The following ARHGAP23 variants were observed in gnomAD, a reference collection of about 807,000 sequenced individuals.
ARHGAP23 encodes Rho GTPase activating protein 23.
Under a neutral mutation model 136.3 loss-of-function variants are expected in ARHGAP23, and 34 were observed. The ratio of observed to expected loss-of-function variants is 0.25; its 90% CI spans 0.19 to 0.33. The LOEUF is 0.33. Among genes scored for constraint, ARHGAP23 ranks in the 10% least tolerant of loss-of-function variants. ARHGAP23 has a pLI of 1.00. For missense variants in ARHGAP23, 1,808 were observed against 2,139.0 expected, an observed-to-expected ratio of 0.85 and a Z score of 3.05; for synonymous variants, 832 against 920.5, an observed-to-expected ratio of 0.90 and a Z score of 1.74.
At chr17:38,428,611 C>A in intron 1 of ARHGAP23, 63 bp downstream of exon 1, 2 of 1,184,156 alleles carry the variant, frequency 1.7e-6, no homozygotes, top group Non-Finnish European at 2.2e-6. Context: ...GGCTGCCAAG[C>A]CAGGGTCGCT....
At chr17:38,453,495 G>A (rs2039237857) in intron 1 of ARHGAP23, among the ~76,000 whole-genome samples, 2 of 151,310 alleles carry the variant, frequency 1.3e-5, no homozygotes, top group South Asian at 4.2e-4. Context: ...AGGTGTGCGG[G>A]CCGGGGGAGA....
Position 38,462,835 on chromosome 17 carries a change from A to T in ARHGAP23, c.254-11A>T. 6.7e-7 allele frequency: 1 copy of T among 1,493,962 alleles called. No homozygotes were observed. Among genetic ancestry groups the T allele is most frequent in the Non-Finnish European group, 8.9e-7 (1 of 1,122,062 alleles). The allele number at this position is 1,493,962 out of a possible 1,614,324, so 92.5% of individuals were successfully genotyped here. On this transcript the variant is annotated splice_polypyrimidine_tract_variant and intron_variant, in intron 3 of 23. Transcript: ENST00000622683. ...CAGCCACCCCCAGCTAACCTGGCTG[A>T]TGCCCACTAGGACCCTCCCCCCGGT...
At chr17:38,421,239 G>A (rs118011759) in intron 1 of ARHGAP23, among the ~76,000 whole-genome samples, 6 of 152,196 alleles carry the variant, frequency 3.9e-5, no homozygotes, top group Non-Finnish European at 7.4e-5. Flanking sequence ...ATCCTGTCTG[G>A]GCTGCTGTGA....
In ARHGAP23 at chr17:38,438,829, C is replaced by T. The variant is rs967682424; in HGVS notation, c.63+10281C>T. Among the ~76,000 whole-genome samples, 5 of 151,758 alleles carry T rather than the reference C, an allele frequency of 3.3e-5. No individual in the cohort carries two copies. The East Asian group carries it at 9.7e-4, about 29-fold the overall frequency. On this transcript the variant is annotated intron_variant, in intron 1 of 23. Coordinates refer to ENST00000622683, the MANE Select transcript of ARHGAP23 (RefSeq NM_001199417.2). ...AGAAACCCCGTCTCTACTAAAAATACAAAATTAGCTGGGAGTGGTGGCACA... is the reference window on the plus strand; with the variant it reads ...AGAAACCCCGTCTCTACTAAAAATATAAAATTAGCTGGGAGTGGTGGCACA...
chr17:38,423,819 C>G (rs1412574515), upstream of ARHGAP23, among the ~76,000 whole-genome samples: 1 of 152,192 alleles, frequency 6.6e-6, no homozygotes, highest in African/African-American at 2.4e-5. Flanking sequence ...TTTAGTCCTG[C>G]CCTGCCATCC....
At chr17:38,489,472 C>T (rs981747393) in intron 17 of ARHGAP23, among the ~76,000 whole-genome samples, 13 of 150,720 alleles carry the variant, frequency 8.6e-5, no homozygotes, top group Non-Finnish European at 1.6e-4. Flanking sequence ...CCATATGGCC[C>T]GCTTCCCCCC....
Position 38,466,782 on chromosome 17 carries a change from C to T in ARHGAP23, c.1099C>T (p.Pro367Ser). The T allele has an allele frequency of 6.5e-7, 1 of 1,549,284 alleles. No homozygotes were observed. Among genetic ancestry groups the T allele is most frequent in the Non-Finnish European group, 8.7e-7 (1 of 1,146,422 alleles). Reference sequence around the variant, plus strand: ...CACCCGTTCTGCCGAGGCACTGGGGCCAGGGGCACTGGTGTCACCCCGCTT... The same window carrying T: ...CACCCGTTCTGCCGAGGCACTGGGGTCAGGGGCACTGGTGTCACCCCGCTT... The part of the protein sequence containing the change: ...RATRSAEALG[P>S]GALVSPRFER... The change falls in exon 7 of 24, where the codon CCA becomes TCA. Residue 367 changes from proline to serine, a missense_variant. By Grantham distance (74) the Pro-to-Ser change is moderately conservative. This residue lies in a region of ARHGAP23 where 859 missense variants were observed against 936.4 expected (regional missense o/e 0.92). Transcript: ENST00000622683.
In ARHGAP23 at chr17:38,463,315, C is replaced by A. The variant is rs2039506036; in HGVS notation, c.429-13C>A. The A allele has an allele frequency of 6.4e-7, 1 of 1,551,586 alleles. No homozygotes were observed. Among genetic ancestry groups the A allele is most frequent in the Admixed American group, 2.0e-5 (1 of 50,984 alleles). Reference sequence around the variant, plus strand: ...TTCCTTGACCCAGCCTGACGTTCTGCCTGTCTCTGTAGTGATGACACTCTG... The same window carrying A: ...TTCCTTGACCCAGCCTGACGTTCTGACTGTCTCTGTAGTGATGACACTCTG... On this transcript the variant is annotated splice_polypyrimidine_tract_variant and intron_variant, in intron 5 of 23. Transcript: ENST00000622683.
At chr17:38,444,198 T>C (rs1053437497) in intron 1 of ARHGAP23, among the ~76,000 whole-genome samples, 6 of 151,978 alleles carry the variant, frequency 3.9e-5, no homozygotes, top group African/African-American at 7.2e-5. Context: ...CTGAGGGGCC[T>C]GGGGAGCGAG....
intron 1 of ARHGAP23, chr17:38,419,520 T>C (rs1458086129): frequency 6.7e-6 from 1 of 148,428 alleles, no homozygotes; most frequent in Non-Finnish European, 1.5e-5. Context: ...GGTTGGGGCA[T>C]TGGAGCTCCG....
chr17:38,510,239 C>T lies in ARHGAP23; in HGVS notation c.3743C>T (p.Ser1248Leu). Residue 1248 changes from serine (S) to leucine (L), a missense_variant, in exon 24 of 24, where the codon TCG becomes TTG. Coordinates refer to ENST00000622683, the MANE Select transcript of ARHGAP23 (RefSeq NM_001199417.2). The surrounding 1 kb of genome is among the most constrained non-coding windows in gnomAD (Gnocchi z 4.6). ...RPAADTRSIV[S>L]GYSTLSTMDR... is the part of the protein sequence containing the mutation. ...GCCGCGGACACGCGCTCCATTGTGT[C>T]GGGCTACTCCACCCTGTCCACCATG... The T allele has an allele frequency of 7.2e-7, 1 of 1,382,052 alleles. No homozygotes were observed. The highest frequency in any genetic ancestry group is 9.4e-7 in the Non-Finnish European group (1 of 1,067,126). The allele number at this position is 1,382,052 out of a possible 1,614,324, so 85.6% of individuals were successfully genotyped here.
chr17:38,479,324 C>T (rs1470667953), intron 12 of ARHGAP23, 112 bp from the exon 13 acceptor site: 1 of 810,760 alleles, frequency 1.2e-6, no homozygotes, highest in Non-Finnish European at 2.1e-6. Flanking sequence ...ACTCCAGGGT[C>T]TGGGCTGTCC....
chr17:38,485,540 C>A (rs1420251950), intron 16 of ARHGAP23, among the ~76,000 whole-genome samples: 1 of 152,138 alleles, frequency 6.6e-6, no homozygotes, highest in Non-Finnish European at 1.5e-5. Context: ...AAAGTCAGGG[C>A]TGGGGTGCAG....
At chr17:38,506,644 G>GA (rs2040639756) in intron 23 of ARHGAP23, among the ~76,000 whole-genome samples, 2 of 152,298 alleles carry the variant, frequency 1.3e-5, no homozygotes, top group South Asian at 4.1e-4. Context: ...AAGGCAGAAA[G>GA]AAAAGAGAGC....
chr17:38,485,957 C>A lies in ARHGAP23; in HGVS notation c.2908-105C>A, dbSNP rs2040150793. On this transcript the variant is annotated intron_variant, in intron 16 of 23. Transcript: ENST00000622683. ...GTAGAGAGCTTGGTCTAAGTAGGTC[C>A]CAGGGAGGGCCTGGTGGGCTTGATT... 8 of 1,072,124 alleles carry A rather than the reference C, an allele frequency of 7.5e-6. No homozygotes were observed. The East Asian group carries it at 1.3e-4, about 17-fold the overall frequency. 66.4% of individuals were successfully genotyped at this position (1,072,124 alleles called of 1,614,324 possible). A position where few individuals can be genotyped will look rare whatever the true frequency, so the allele number is the denominator to read the frequency against.
chr17:38,462,979 T>C, intron 4 of ARHGAP23, 38 bp downstream of exon 4: 1 of 1,543,860 alleles, frequency 6.5e-7, no homozygotes, highest in Non-Finnish European at 8.8e-7. Flanking sequence ...ACTTTCTACC[T>C]TCTGGCTAGG....
chr17:38,509,999 T>C lies in ARHGAP23; in HGVS notation c.3503T>C (p.Phe1168Ser). The change falls in exon 24 of 24, where the codon TTC (phenylalanine) becomes TCC (serine). Residue 1168 changes from phenylalanine (F) to serine (S), a missense_variant. By Grantham distance (155) the Phe-to-Ser change is radical (BLOSUM62 -2). Transcript: ENST00000622683. ...PYAREMLAIS[F>S]ISAVNRKRKK... is the part of the protein sequence containing the mutation. ...GCCCGGGAGATGCTGGCGATCTCCT[T>C]CATCTCGGCCGTCAACCGCAAGCGC... The C allele has an allele frequency of 8.0e-7, 1 of 1,251,706 alleles. No individual in the cohort carries two copies. Among genetic ancestry groups the C allele is most frequent in the Admixed American group, 4.2e-5 (1 of 23,790 alleles). The allele number at this position is 1,251,706 out of a possible 1,614,324, so 77.5% of individuals were successfully genotyped here.
chr17:38,451,546 G>A (rs1334000328), intron 1 of ARHGAP23: 1 of 152,320 alleles, frequency 6.6e-6, no homozygotes, highest in Admixed American at 6.5e-5. Context: ...GATGAGAGGG[G>A]AGAGTCATTC....
chr17:38,492,097 C>G (rs1322693387), intron 20 of ARHGAP23, among the ~76,000 whole-genome samples: 1 of 152,184 alleles, frequency 6.6e-6, no homozygotes, highest in Non-Finnish European at 1.5e-5. Context: ...TGGCCACCTC[C>G]CTTCTCATGG....
Sources: allele counts gnomAD v4.1 joint callset (sites outside exome capture counted in the v4.1 genomes callset), GRCh38; gene constraint gnomAD v4.1.1; regional missense constraint gnomAD v4.1.1; non-coding constraint Gnocchi (gnomAD v3.1); transcripts MANE v1.5; gene names NCBI Gene and HGNC (gene_info 2026-07-23, HGNC 2026-07-21).